The following SCLT1 variants were observed in gnomAD, a reference collection of about 807,000 sequenced individuals.
SCLT1 encodes the protein sodium channel-associated protein 1.
SCLT1 carries 78 observed loss-of-function variants against 112.8 expected under a neutral mutation model. That is an observed-to-expected ratio of 0.69 (90% CI 0.58 to 0.83). SCLT1 has a LOEUF of 0.83. Among genes scored for constraint, SCLT1 ranks in the 40% least tolerant of loss-of-function variants. The probability of loss-of-function intolerance (pLI) is 0.00; values close to 1 mark genes in which losing one functional copy is unlikely to be tolerated. For missense variants in SCLT1, 747 were observed against 770.4 expected (o/e 0.97, Z 0.36); for synonymous variants, 257 against 254.7 (o/e 1.01, Z -0.09).
chr4:129,055,327 G>T (rs984834629), intron 2 of SCLT1, among the ~76,000 whole-genome samples: 1 of 152,196 alleles, frequency 6.6e-6, no homozygotes, highest in Non-Finnish European at 1.5e-5. Flanking sequence ...AGGATCTGCT[G>T]CACTCTTCAG....
At chr4:129,025,578 C>A (rs1226047011) in intron 5 of SCLT1, among the ~76,000 whole-genome samples, 1 of 152,118 alleles carries the variant, frequency 6.6e-6, no homozygotes, top group African/African-American at 2.4e-5. Context: ...ACAACCGGTA[C>A]CAGCCACTGC....
At chr4:129,091,100 A>G (rs528561302) in intron 1 of SCLT1, among the ~76,000 whole-genome samples, 3 of 152,262 alleles carry the variant, frequency 2.0e-5, no homozygotes, top group African/African-American at 7.2e-5. Flanking sequence ...CAAGTGATCT[A>G]TCTTTATCTG....
At chr4:129,011,257 A>G (rs926899801) in intron 5 of SCLT1, among the ~76,000 whole-genome samples, 16 of 152,220 alleles carry the variant, frequency 1.1e-4, no homozygotes, top group African/African-American at 2.7e-4. Context: ...CTTGCATCCC[A>G]GGGCTAAAGC....
At chr4:129,046,195 G>A (rs937531459) in intron 2 of SCLT1, among the ~76,000 whole-genome samples, 1 of 152,014 alleles carries the variant, frequency 6.6e-6, no homozygotes, top group Non-Finnish European at 1.5e-5. Flanking sequence ...ATTGGTATAC[G>A]TGTCTTCATT....
chr4:128,873,244 C>A (rs2125909692), intron 5 of SCLT1: 1 of 93,416 alleles, frequency 1.1e-5, no homozygotes, highest in East Asian at 3.2e-4. Context: ...GAATGGATTC[C>A]TTAAGAAAAA....
intron 5 of SCLT1, among the ~76,000 whole-genome samples, chr4:129,019,131 C>A (rs1038547669): frequency 6.6e-6 from 1 of 151,900 alleles, no homozygotes; most frequent in African/African-American, 2.4e-5. Flanking sequence ...TCATATAGTC[C>A]AAGACTTTAA....
chr4:129,018,500 T>C (rs183555330), intron 5 of SCLT1, among the ~76,000 whole-genome samples: 26 of 152,282 alleles, frequency 1.7e-4, no homozygotes, highest in African/African-American at 5.8e-4. Context: ...AAGGTAATTA[T>C]AAAAAGTCAG....
chr4:129,082,423 C>A, intron 1 of SCLT1, 50 bp from the exon 2 acceptor site: 3 of 1,125,584 alleles, frequency 2.7e-6, no homozygotes, highest in South Asian at 1.4e-5. Flanking sequence ...ATGGTCAATT[C>A]TTTAAAACTA....
chr4:129,051,988 G>A (rs1463637027), intron 2 of SCLT1, among the ~76,000 whole-genome samples: 1 of 152,152 alleles, frequency 6.6e-6, no homozygotes, highest in Non-Finnish European at 1.5e-5. Context: ...AGATAATCGT[G>A]TGGTTTTTGT....
intron 9 of SCLT1, among the ~76,000 whole-genome samples, chr4:128,972,556 G>A (rs1034306778): frequency 3.9e-5 from 6 of 152,148 alleles, no homozygotes; most frequent in South Asian, 2.1e-4. Flanking sequence ...TGACCATGCT[G>A]CACGTCTCAA....
intron 5 of SCLT1, among the ~76,000 whole-genome samples, chr4:129,006,136 T>G (rs1200644899): frequency 2.0e-5 from 3 of 151,872 alleles, no homozygotes; most frequent in Non-Finnish European, 4.4e-5. Flanking sequence ...CTGCACATTG[T>G]GCACATGTAC....
intron 11 of SCLT1, among the ~76,000 whole-genome samples, chr4:128,960,745 C>T (rs1457602306): frequency 3.3e-5 from 5 of 150,772 alleles, no homozygotes; most frequent in East Asian, 2.0e-4. Flanking sequence ...AAGGTGAAAC[C>T]CCGTCTCTAC....
At chr4:128,910,741 T>C (rs1039512760) in intron 18 of SCLT1, among the ~76,000 whole-genome samples, 7 of 152,126 alleles carry the variant, frequency 4.6e-5, no homozygotes, top group African/African-American at 1.7e-4. Context: ...ATATATGAAA[T>C]AAAGAATATT....
intron 9 of SCLT1, 27 bp from the exon 10 acceptor site, chr4:128,970,495 A>G: frequency 8.0e-7 from 1 of 1,254,674 alleles, no homozygotes; most frequent in African/African-American, 1.5e-5. Context: ...ATTAATAAAC[A>G]CTGTTTTCAT....
At chr4:128,895,120 T>A (rs1314003280) in intron 18 of SCLT1, among the ~76,000 whole-genome samples, 6 of 152,320 alleles carry the variant, frequency 3.9e-5, no homozygotes, top group African/African-American at 1.4e-4. Context: ...GTTATTGTAA[T>A]AACGAGCTGC....
chr4:129,093,301 G>A lies in SCLT1; in HGVS notation c.-198C>T, dbSNP rs1339329411. 1.8e-5 allele frequency: 11 copies of A among 605,530 alleles called. No individual in the cohort carries two copies. The highest frequency in any genetic ancestry group is 1.2e-4 in the Admixed American group (4 of 34,412). The allele number at this position is 605,530 out of a possible 1,614,324, so 37.5% of individuals were successfully genotyped here. A position where few individuals can be genotyped will look rare whatever the true frequency, so the allele number is the denominator to read the frequency against. ...CCCCCGCGCCCCAGACGAGTCCCTGGCCCTGGTGAGAGACTGAAGATTGCT... is the reference window on the plus strand; with the variant it reads ...CCCCCGCGCCCCAGACGAGTCCCTGACCCTGGTGAGAGACTGAAGATTGCT... On this transcript the variant is annotated 5_prime_UTR_variant, in exon 1 of 21. Transcript: ENST00000281142.
At chr4:128,936,064 T>C (rs1737153274) in intron 18 of SCLT1, among the ~76,000 whole-genome samples, 1 of 152,170 alleles carries the variant, frequency 6.6e-6, no homozygotes, top group Admixed American at 6.5e-5. Context: ...TGGACTATCA[T>C]AGTACTAGTT....
At chr4:129,026,186 T>A (rs1386318746) in intron 5 of SCLT1, among the ~76,000 whole-genome samples, 1 of 152,118 alleles carries the variant, frequency 6.6e-6, no homozygotes. Context: ...AACTCAGCTC[T>A]GCACCAAGCA....
At chr4:129,046,144 T>C (rs1185359147) in intron 2 of SCLT1, among the ~76,000 whole-genome samples, 2 of 152,106 alleles carry the variant, frequency 1.3e-5, no homozygotes, top group East Asian at 3.8e-4. Flanking sequence ...TAACCAGAAC[T>C]CAAATCAAGC....
Sources: gnomAD v4.1 joint callset for allele counts (sites outside exome capture counted in the v4.1 genomes callset) on GRCh38, gnomAD v4.1.1 for gene constraint, MANE v1.5 for transcripts, NCBI Gene and HGNC (gene_info 2026-07-23, HGNC 2026-07-21) for gene names.